The following RBPJ variants were observed in gnomAD, a reference collection of about 807,000 sequenced individuals.
RBPJ encodes recombination signal binding protein for immunoglobulin kappa J region, also known as recombining binding protein suppressor of hairless.
In RBPJ, 9 loss-of-function variants were observed where a neutral mutation model predicts 67.8. The ratio of observed to expected loss-of-function variants is 0.13; its 90% CI spans 0.08 to 0.23. RBPJ has a LOEUF of 0.23. RBPJ is among the 10% of genes least tolerant of loss of function. The pLI is 1.00. For missense variants in RBPJ, 305 were observed against 595.6 expected, an observed-to-expected ratio of 0.51 and a Z score of 5.08; for synonymous variants, 198 against 203.3, an observed-to-expected ratio of 0.97 and a Z score of 0.22.
intron 1 of RBPJ, among the ~76,000 whole-genome samples, chr4:26,339,020 C>T (rs1229892291): frequency 6.6e-6 from 1 of 151,824 alleles, no homozygotes; most frequent in East Asian, 1.9e-4. Context: ...GGGGTTTTGC[C>T]ATGTTGCCCA....
chr4:26,316,889 C>G (rs1487216012), upstream of RBPJ, among the ~76,000 whole-genome samples: 1 of 124,908 alleles, frequency 8.0e-6, no homozygotes, highest in Non-Finnish European at 1.6e-5. Flanking sequence ...CTCCATATGC[C>G]TTTTTCTCCT....
intron 1 of RBPJ, among the ~76,000 whole-genome samples, chr4:26,380,912 G>T (rs998656624): frequency 6.6e-6 from 1 of 151,042 alleles, no homozygotes; most frequent in Non-Finnish European, 1.5e-5. Context: ...CAACCCAAGG[G>T]CAAGTAGGGT....
chr4:26,265,359 T>C (rs1348491005), intron 1 of RBPJ, among the ~76,000 whole-genome samples: 1 of 151,844 alleles, frequency 6.6e-6, no homozygotes, highest in Non-Finnish European at 1.5e-5. Context: ...TGAAACCCTG[T>C]CTTTACTAAA....
upstream of RBPJ, chr4:26,319,867 G>A: frequency 3.1e-6 from 5 of 1,601,016 alleles, no homozygotes; most frequent in African/African-American, 1.3e-5. Context: ...GAGCAAAGGA[G>A]GGGAAAGATG....
At chr4:26,267,214 C>T (rs1720731377) in intron 1 of RBPJ, among the ~76,000 whole-genome samples, 1 of 152,050 alleles carries the variant, frequency 6.6e-6, no homozygotes, top group Non-Finnish European at 1.5e-5. Flanking sequence ...GTCATATTTC[C>T]TTGTGTGTGC....
chr4:26,143,648 T>C, the RBPJ span, among the ~76,000 whole-genome samples: 1 of 152,238 alleles, frequency 6.6e-6, no homozygotes, highest in African/African-American at 2.4e-5. Flanking sequence ...ACATTAAGGC[T>C]GGACGTGGTG....
At chr4:26,349,744 T>C (rs1329544460) in intron 1 of RBPJ, among the ~76,000 whole-genome samples, 2 of 152,206 alleles carry the variant, frequency 1.3e-5, no homozygotes, top group Non-Finnish European at 2.9e-5. Flanking sequence ...CTCCATGTGG[T>C]ATAAGAGATT....
intron 1 of RBPJ, among the ~76,000 whole-genome samples, chr4:26,355,485 CA>C (rs33950714): frequency 0.13 from 16,912 of 131,646 alleles, 1,218 homozygotes; most frequent in East Asian, 0.28. Flanking sequence ...TCATCTCTAC[CA>C]AAAAAAAAAA....
At chr4:26,194,393 C>A (rs1247133371) in intron 1 of RBPJ, among the ~76,000 whole-genome samples, 2 of 152,220 alleles carry the variant, frequency 1.3e-5, no homozygotes, top group African/African-American at 4.8e-5. Flanking sequence ...CACTAAGGAG[C>A]ACTGATATAA....
intron 1 of RBPJ, among the ~76,000 whole-genome samples, chr4:26,258,641 C>T (rs1040797788): frequency 6.6e-6 from 1 of 151,186 alleles, no homozygotes; most frequent in East Asian, 1.9e-4. Flanking sequence ...TCAACATAAG[C>T]TTCATCAAAT....
chr4:26,163,042 A>G (rs1382723489), upstream of RBPJ, among the ~76,000 whole-genome samples: 1 of 152,158 alleles, frequency 6.6e-6, no homozygotes, highest in Non-Finnish European at 1.5e-5. Context: ...CCGTACCTCA[A>G]CTTTCAGAGC....
chr4:26,166,353 A>G (rs1238952392), intron 1 of RBPJ, among the ~76,000 whole-genome samples: 4 of 126,194 alleles, frequency 3.2e-5, no homozygotes, highest in African/African-American at 8.7e-5. Context: ...AAGTGTTCCT[A>G]TTTCTCCACA....
intron 7 of RBPJ, among the ~76,000 whole-genome samples, chr4:26,425,589 A>G (rs1382009434): frequency 6.6e-6 from 1 of 152,184 alleles, no homozygotes; most frequent in Admixed American, 6.5e-5. Context: ...AGCCTGGGCA[A>G]CAGAATGAGA....
chr4:26,106,619 A>G, the RBPJ span, among the ~76,000 whole-genome samples: 2 of 152,084 alleles, frequency 1.3e-5, no homozygotes, highest in African/African-American at 2.4e-5. Context: ...GAGTAGCATC[A>G]TGTTTATGGG....
chr4:26,345,764 G>T (rs1482618454), intron 1 of RBPJ, among the ~76,000 whole-genome samples: 2 of 152,124 alleles, frequency 1.3e-5, no homozygotes, highest in Non-Finnish European at 2.9e-5. Context: ...TCATCTACGT[G>T]CTATTTTCAT....
intron 2 of RBPJ, among the ~76,000 whole-genome samples, chr4:26,388,313 A>G (rs146825684): frequency 2.8e-4 from 43 of 152,204 alleles, no homozygotes; most frequent in Admixed American, 5.2e-4. Flanking sequence ...AACAGTTATT[A>G]TATTTGTGTT....
intron 1 of RBPJ, among the ~76,000 whole-genome samples, chr4:26,258,625 T>C (rs1720422739): frequency 6.6e-6 from 1 of 152,160 alleles, no homozygotes; most frequent in Admixed American, 6.5e-5. Context: ...ATAAAAACTT[T>C]ACCTTTCAAC....
intron 1 of RBPJ, among the ~76,000 whole-genome samples, chr4:26,200,812 A>G (rs1482671179): frequency 1.1e-4 from 17 of 152,168 alleles, no homozygotes; most frequent in Admixed American, 1.1e-3. Context: ...TACTGTGATT[A>G]GGTGCTTCTT....
At chr4:26,238,797 T>A (rs1339897645) in intron 1 of RBPJ, among the ~76,000 whole-genome samples, 1 of 152,048 alleles carries the variant, frequency 6.6e-6, no homozygotes, top group Non-Finnish European at 1.5e-5. Flanking sequence ...GGCAGGTGGC[T>A]GGGCAGATGG....
Sources: gnomAD v4.1 joint callset for allele counts (sites outside exome capture counted in the v4.1 genomes callset) on GRCh38, gnomAD v4.1.1 for gene constraint, MANE v1.5 for transcripts, NCBI Gene and HGNC (gene_info 2026-07-23, HGNC 2026-07-21) for gene names.